The following KCNQ1OT1 variants were observed in gnomAD, a reference collection of about 807,000 sequenced individuals.
KCNQ1OT1 encodes KCNQ1 opposite strand/antisense transcript 1.
chr11:2,618,738 A>G (rs1849113936), exon 1 of KCNQ1OT1: 6 of 398,374 alleles, frequency 1.5e-5, no homozygotes, highest in Non-Finnish European at 2.7e-5. Flanking sequence ...TGGGATTTTG[A>G]TAGGGATTTT....
chr11:2,648,949 A>C (rs1849709518), exon 1 of KCNQ1OT1: 1 of 389,708 alleles, frequency 2.6e-6, no homozygotes, highest in Admixed American at 4.5e-5. Context: ...TTATAATTAT[A>C]TAATGACCTC....
At chr11:2,688,625 G>A (rs1227346432) in exon 1 of KCNQ1OT1, 3 of 398,748 alleles carry the variant, frequency 7.5e-6, no homozygotes, top group South Asian at 1.3e-4. Flanking sequence ...GTGCCTGGGT[G>A]AGCTCTGGAC....
chr11:2,619,076 C>CA (rs1201794834), exon 1 of KCNQ1OT1: 1 of 398,418 alleles, frequency 2.5e-6, no homozygotes, highest in Non-Finnish European at 4.4e-6. Context: ...GTTGCTTTGT[C>CA]AGAGTCTTCG....
rs1036236109 is a variant in KCNQ1OT1, at chr11:2,652,276, C to T, written n.47719G>A. ...TTAAACATTCTGAGAACATCTGCAC[C>T]GGTTTCCAAGGCTTCTCCCTCACTA... On this transcript the variant is annotated non_coding_transcript_exon_variant, in exon 1 of 1. Coordinates refer to ENST00000597346, the Ensembl canonical transcript of KCNQ1OT1. The surrounding 1 kb of genome is among the most constrained non-coding windows in gnomAD (Gnocchi z 5.9). 7.5e-6 allele frequency: 3 copies of T among 398,508 alleles called. No individual in the cohort carries two copies. The highest frequency in any genetic ancestry group is 7.1e-5 in the East Asian group (2 of 28,088). The allele number at this position is 398,508 out of a possible 1,614,324, so 24.7% of individuals were successfully genotyped here.
At chr11:2,662,179 G>C in exon 1 of KCNQ1OT1, 1 of 1,539,066 alleles carries the variant, frequency 6.5e-7, no homozygotes. Context: ...TGGCCAGAGT[G>C]CTATCTACTC....
chr11:2,626,453 T>G lies in KCNQ1OT1; in HGVS notation n.73542A>C, dbSNP rs1354350040. The G allele has an allele frequency of 5.0e-6, 2 of 398,554 alleles. No individual in the cohort carries two copies. The highest frequency in any genetic ancestry group is 8.8e-6 in the Non-Finnish European group (2 of 226,090). 24.7% of individuals were successfully genotyped at this position (398,554 alleles called of 1,614,324 possible). ...TATACAAGGGTTTATTTTTGGGCTC[T>G]CTATTCAATTCCATTGGTCTCTACA... On this transcript the variant is annotated non_coding_transcript_exon_variant, in exon 1 of 1. Transcript: ENST00000597346. The surrounding 1 kb of genome is among the most constrained non-coding windows in gnomAD (Gnocchi z 4.0).
rs192469620 is a variant in KCNQ1OT1, at chr11:2,659,139, A to G, written n.40856T>C. 1,795 of 398,408 alleles carry G rather than the reference A, an allele frequency of 4.5e-3. 6 individuals are homozygous for G. The highest frequency in any genetic ancestry group is 5.8e-3 in the Non-Finnish European group (1,308 of 226,006). The allele number at this position is 398,408 out of a possible 1,614,324, so 24.7% of individuals were successfully genotyped here. A position where few individuals can be genotyped will look rare whatever the true frequency, so the allele number is the denominator to read the frequency against. The stretch of plus-strand genomic sequence containing the variant: ...TTTAAATTTGCATACAGTAAAATCC[A>G]CTCTTTGAGATTCAGTTCTGTGGGT... On this transcript the variant is annotated non_coding_transcript_exon_variant, in exon 1 of 1. Coordinates refer to ENST00000597346, the Ensembl canonical transcript of KCNQ1OT1. The surrounding 1 kb of genome is among the most constrained non-coding windows in gnomAD (Gnocchi z 4.3).
chr11:2,610,010 ATAT>A (rs906772374), exon 1 of KCNQ1OT1: 1 of 397,922 alleles, frequency 2.5e-6, no homozygotes, highest in Non-Finnish European at 4.4e-6. Context: ...TTCACATTTA[ATAT>A]TATTATTGAT....
exon 1 of KCNQ1OT1, chr11:2,625,231 C>T (rs1055811631): frequency 5.0e-6 from 2 of 398,556 alleles, no homozygotes; most frequent in African/African-American, 4.1e-5. Context: ...CATGTCCCTT[C>T]CAGCAGTGGT....
chr11:2,656,697 G>A (rs1259158298), exon 1 of KCNQ1OT1: 1 of 398,414 alleles, frequency 2.5e-6, no homozygotes, highest in Non-Finnish European at 4.4e-6. Flanking sequence ...TCTTTAAGGT[G>A]TATTTTGATG....
exon 1 of KCNQ1OT1, chr11:2,615,678 T>TAC (rs1849049158): frequency 2.5e-6 from 1 of 397,996 alleles, no homozygotes; most frequent in East Asian, 3.6e-5. Context: ...ATGTGGTGTA[T>TAC]TACATTGATT....
rs1850383948 is a variant in KCNQ1OT1, at chr11:2,680,769, C to T, written n.19226G>A. The stretch of plus-strand genomic sequence containing the variant: ...AGCCCCTGACAACTACTAACCTATT[C>T]TTCATTTCTTTATCATTCCAAGAAA... On this transcript the variant is annotated non_coding_transcript_exon_variant, in exon 1 of 1. Transcript: ENST00000597346. 3.1e-5 allele frequency: 5 copies of T among 163,414 alleles called. No homozygotes were observed. In the South Asian group the frequency reaches 8.5e-4, roughly 28 times the overall value. The allele number at this position is 163,414 out of a possible 1,614,324, so 10.1% of individuals were successfully genotyped here.
At chr11:2,685,722 C>T in exon 1 of KCNQ1OT1, 1 of 398,704 alleles carries the variant, frequency 2.5e-6, no homozygotes. Context: ...GGAGGGTGCT[C>T]TGACAGTCCG....
chr11:2,660,483 G>A, exon 1 of KCNQ1OT1: 1 of 398,574 alleles, frequency 2.5e-6, no homozygotes, highest in Non-Finnish European at 4.4e-6. Flanking sequence ...GACTGGGGAA[G>A]CTATCTATGC....
chr11:2,612,411 T>C lies in KCNQ1OT1; in HGVS notation n.87584A>G. On this transcript the variant is annotated non_coding_transcript_exon_variant, in exon 1 of 1. Coordinates refer to ENST00000597346, the Ensembl canonical transcript of KCNQ1OT1. The surrounding 1 kb of genome is among the most constrained non-coding windows in gnomAD (Gnocchi z 5.5). ...GGGACCACTATATTATGGTATCCAATGGGTATCTCTTCATTTTTCTTCATT... is the reference window on the plus strand; with the variant it reads ...GGGACCACTATATTATGGTATCCAACGGGTATCTCTTCATTTTTCTTCATT... 2.5e-6 allele frequency: 1 copy of C among 398,626 alleles called. No homozygotes were observed. Among genetic ancestry groups the C allele is most frequent in the Non-Finnish European group, 4.4e-6 (1 of 226,066 alleles). 24.7% of individuals were successfully genotyped at this position (398,626 alleles called of 1,614,324 possible). A position where few individuals can be genotyped will look rare whatever the true frequency, so the allele number is the denominator to read the frequency against.
exon 1 of KCNQ1OT1, chr11:2,689,409 G>T (rs1564859006): frequency 2.5e-6 from 1 of 398,680 alleles, no homozygotes; most frequent in Non-Finnish European, 4.4e-6. Context: ...CTTGGGAAAT[G>T]GGGAGCATAG....
At chr11:2,696,692 T>A (rs1358111819) in exon 1 of KCNQ1OT1, 2 of 398,466 alleles carry the variant, frequency 5.0e-6, no homozygotes, top group Non-Finnish European at 8.8e-6. Context: ...TTCAAGAAAA[T>A]AAAATGTCTC....
At chr11:2,638,512 T>G (rs1284226502) in exon 1 of KCNQ1OT1, 1 of 152,196 alleles carries the variant, frequency 6.6e-6, no homozygotes, top group African/African-American at 2.4e-5. Flanking sequence ...CCCCACTCTC[T>G]TCTGGCTTGT....
In KCNQ1OT1 at chr11:2,657,989, T is replaced by C; in HGVS notation, n.42006A>G. On this transcript the variant is annotated non_coding_transcript_exon_variant, in exon 1 of 1. Coordinates refer to ENST00000597346, the Ensembl canonical transcript of KCNQ1OT1. The surrounding 1 kb of genome is among the most constrained non-coding windows in gnomAD (Gnocchi z 4.8). The stretch of plus-strand genomic sequence containing the variant: ...AGTGGTGTCGGCCAGGCTCCTCCAC[T>C]GTAAGTGAATAGCTGTTTTTCCCTT... 2.5e-6 allele frequency: 1 copy of C among 398,614 alleles called. No homozygotes were observed. Among genetic ancestry groups the C allele is most frequent in the Non-Finnish European group, 4.4e-6 (1 of 226,046 alleles). The allele number at this position is 398,614 out of a possible 1,614,324, so 24.7% of individuals were successfully genotyped here.
Sources: allele counts gnomAD v4.1 joint callset, GRCh38; gene constraint gnomAD v4.1.1; non-coding constraint Gnocchi (gnomAD v3.1); transcripts MANE v1.5; gene names NCBI Gene and HGNC (gene_info 2026-07-23, HGNC 2026-07-21).